Variants in NRG3 observed in about 807,000 individuals in gnomAD.
NRG3 encodes the protein pro-neuregulin-3, membrane-bound isoform.
A neutral mutation model predicts 66.9 loss-of-function variants in NRG3; 31 were observed. The observed-to-expected ratio is 0.46, with a 90% CI of 0.35 to 0.63. The LOEUF is 0.63. Ranked by LOEUF, NRG3 falls within the 20% of genes least tolerant of loss-of-function variation. The pLI is 0.00. For synonymous variants in NRG3, 393 were observed against 359.4 expected (o/e 1.09, Z -1.06); for missense variants, 910 against 878.9 (o/e 1.04, Z -0.45).
chr10:82,494,818 G>A (rs769330677), intron 2 of NRG3, among the ~76,000 whole-genome samples: 38 of 152,252 alleles, frequency 2.5e-4, no homozygotes, highest in Non-Finnish European at 4.1e-4. Flanking sequence ...GACAGAAATT[G>A]TATGAGCAGT....
chr10:82,143,072 A>G (rs1369197075), intron 1 of NRG3, among the ~76,000 whole-genome samples: 1 of 151,414 alleles, frequency 6.6e-6, no homozygotes, highest in Non-Finnish European at 1.5e-5. Flanking sequence ...CCCAGCCAAG[A>G]TTTTCTTTTT....
At chr10:82,904,586 C>A (rs928880076) in intron 4 of NRG3, among the ~76,000 whole-genome samples, 1 of 152,072 alleles carries the variant, frequency 6.6e-6, no homozygotes, top group Non-Finnish European at 1.5e-5. Context: ...TTTTTTATAT[C>A]ATGGGAAACA....
At chr10:82,081,245 C>A (rs2065372782) in intron 1 of NRG3, among the ~76,000 whole-genome samples, 1 of 152,096 alleles carries the variant, frequency 6.6e-6, no homozygotes, top group Non-Finnish European at 1.5e-5. Flanking sequence ...ATCTGACATT[C>A]CAAGAGTAGA....
At chr10:82,182,526 T>A (rs2073498203) in intron 1 of NRG3, among the ~76,000 whole-genome samples, 1 of 151,840 alleles carries the variant, frequency 6.6e-6, no homozygotes, top group Non-Finnish European at 1.5e-5. Flanking sequence ...CTTTAACCTC[T>A]GTCCTCCTCT....
intron 1 of NRG3, among the ~76,000 whole-genome samples, chr10:81,988,557 C>T (rs757945150): frequency 4.3e-4 from 66 of 152,138 alleles, no homozygotes; most frequent in Non-Finnish European, 7.8e-4. Context: ...AATGGGATAT[C>T]AATCCAATAC....
At chr10:82,937,773 G>C (rs1015903673) in intron 4 of NRG3, among the ~76,000 whole-genome samples, 1 of 152,202 alleles carries the variant, frequency 6.6e-6, no homozygotes. Flanking sequence ...ATTGGTACAG[G>C]AGTAGGTTAC....
At chr10:81,901,846 C>T (rs976126812) in intron 1 of NRG3, among the ~76,000 whole-genome samples, 4 of 152,054 alleles carry the variant, frequency 2.6e-5, no homozygotes, top group Non-Finnish European at 4.4e-5. Context: ...AGTCTGTACC[C>T]CAAATCACAT....
intron 2 of NRG3, among the ~76,000 whole-genome samples, chr10:82,618,304 G>A (rs1053119509): frequency 6.6e-6 from 1 of 152,072 alleles, no homozygotes; most frequent in African/African-American, 2.4e-5. Context: ...TGCAGAGAGG[G>A]ACAGTGATGA....
chr10:82,272,357 G>T (rs1049924272), intron 1 of NRG3, among the ~76,000 whole-genome samples: 6 of 152,086 alleles, frequency 3.9e-5, no homozygotes, highest in African/African-American at 1.4e-4. Context: ...GTGCTGGAGG[G>T]GCTGGCTGCG....
intron 1 of NRG3, among the ~76,000 whole-genome samples, chr10:82,229,585 T>G (rs971053633): frequency 1.3e-5 from 2 of 152,156 alleles, no homozygotes; most frequent in Non-Finnish European, 2.9e-5. Flanking sequence ...TCAGGAAACT[T>G]ACAATCATGG....
chr10:82,943,874 A>G (rs936899055), intron 4 of NRG3, among the ~76,000 whole-genome samples: 6 of 152,230 alleles, frequency 3.9e-5, no homozygotes, highest in Admixed American at 2.0e-4. Flanking sequence ...ACTATGTGCT[A>G]TATGCTTAAG....
intron 1 of NRG3, among the ~76,000 whole-genome samples, chr10:82,003,980 T>G (rs1353462569): frequency 4.4e-5 from 6 of 135,850 alleles, no homozygotes; most frequent in Non-Finnish European, 7.6e-5. Context: ...TAAGGATACC[T>G]GACTGAAAAC....
At position 82,865,394 on chromosome 10, in the gene NRG3, T is replaced by C; in HGVS notation, c.1028-17T>C. On this transcript the variant is annotated splice_polypyrimidine_tract_variant and intron_variant, in intron 3 of 8. Transcript: ENST00000372141. ...TCTTTTTCTCTTCCCCTTCCTTCCATGCTGACTTTGGTGTAGCAGACCACT... is the reference window on the plus strand; with the variant it reads ...TCTTTTTCTCTTCCCCTTCCTTCCACGCTGACTTTGGTGTAGCAGACCACT... The C allele has an allele frequency of 1.2e-6, 2 of 1,612,860 alleles. No homozygotes were observed. Among genetic ancestry groups the C allele is most frequent in the Non-Finnish European group, 1.7e-6 (2 of 1,179,256 alleles).
intron 2 of NRG3, among the ~76,000 whole-genome samples, chr10:82,366,338 T>A (rs2084521268): frequency 6.6e-6 from 1 of 152,164 alleles, no homozygotes; most frequent in Non-Finnish European, 1.5e-5. Flanking sequence ...TGTACCAGTA[T>A]CATCTGCCTT....
intron 3 of NRG3, among the ~76,000 whole-genome samples, chr10:82,823,247 G>T (rs1050635887): frequency 6.6e-6 from 1 of 152,158 alleles, no homozygotes; most frequent in Non-Finnish European, 1.5e-5. Flanking sequence ...GTAGGTGTGG[G>T]GATGTAAGAG....
chr10:82,360,500 T>C (rs1298429851), intron 2 of NRG3, among the ~76,000 whole-genome samples: 1 of 152,214 alleles, frequency 6.6e-6, no homozygotes, highest in Non-Finnish European at 1.5e-5. Flanking sequence ...AGAGGAGGAA[T>C]CAGATCAGGT....
chr10:82,877,558 TTTGGA>T (rs1841944002), intron 4 of NRG3, among the ~76,000 whole-genome samples: 5 of 131,588 alleles, frequency 3.8e-5, no homozygotes, highest in African/African-American at 5.8e-5. Context: ...TTTTTTTTTT[TTTGGA>T]TTTTTAGTGG....
chr10:82,880,425 AT>A (rs1842207558), intron 4 of NRG3, among the ~76,000 whole-genome samples: 1 of 152,280 alleles, frequency 6.6e-6, no homozygotes, highest in African/African-American at 2.4e-5. Context: ...TCTTAAGGGA[AT>A]TTTTTTCCAC....
At chr10:82,734,409 G>A (rs376641229) in intron 2 of NRG3, among the ~76,000 whole-genome samples, 9 of 152,236 alleles carry the variant, frequency 5.9e-5, no homozygotes, top group South Asian at 2.1e-4. Flanking sequence ...AAAGCAATGC[G>A]GAGTAGAAAA....
Sources: gnomAD v4.1 joint callset for allele counts (sites outside exome capture counted in the v4.1 genomes callset) on GRCh38, gnomAD v4.1.1 for gene constraint, MANE v1.5 for transcripts, NCBI Gene and HGNC (gene_info 2026-07-23, HGNC 2026-07-21) for gene names.